ALDH6A1: variants seen among roughly 807,000 people sequenced by gnomAD.
ALDH6A1 encodes methylmalonate-semialdehyde/malonate-semialdehyde dehydrogenase [acylating], mitochondrial.
In ALDH6A1, 43 loss-of-function variants were observed where a neutral mutation model predicts 62.6. The observed-to-expected ratio is 0.69, with a 90% CI of 0.54 to 0.89. The LOEUF is 0.89. Ranked by LOEUF, ALDH6A1 falls within the 40% of genes least tolerant of loss-of-function variation. The pLI, the probability that ALDH6A1 is intolerant of heterozygous loss-of-function variation, is 0.00. For synonymous variants in ALDH6A1, 194 were observed against 234.2 expected, an observed-to-expected ratio of 0.83 and a Z score of 1.57; for missense variants, 551 against 661.3, an observed-to-expected ratio of 0.83 and a Z score of 1.83.
chr14:74,057,852 G>T lies in ALDH6A1; in HGVS notation c.*2790C>A. 9.7e-7 allele frequency: 1 copy of T among 1,031,144 alleles called. No homozygotes were observed. The highest frequency in any genetic ancestry group is 1.2e-6 in the Non-Finnish European group (1 of 857,126). The allele number at this position is 1,031,144 out of a possible 1,614,324, so 63.9% of individuals were successfully genotyped here. On this transcript the variant is annotated 3_prime_UTR_variant, in exon 12 of 12. Coordinates refer to ENST00000553458, the MANE Select transcript of ALDH6A1 (RefSeq NM_005589.4). ...AGAAACTCTGAGCAGCAAATAGTTGGCCAGATGAGTTGTTTCTAATTAGAG... is the reference window on the plus strand; with the variant it reads ...AGAAACTCTGAGCAGCAAATAGTTGTCCAGATGAGTTGTTTCTAATTAGAG...
rs977065088 is a variant in ALDH6A1 at position 74,060,145 on chromosome 14, A to G, written c.*497T>C. On this transcript the variant is annotated 3_prime_UTR_variant, in exon 12 of 12. Coordinates refer to ENST00000553458, the MANE Select transcript of ALDH6A1 (RefSeq NM_005589.4). Reference sequence around the variant, plus strand: ...CAATTATTGGAACATCTTCTTTAAAAAATTTTTTTTCCCTTTTCTTTTTTT... The same window carrying G: ...CAATTATTGGAACATCTTCTTTAAAGAATTTTTTTTCCCTTTTCTTTTTTT... 1 of 157,920 alleles carries G rather than the reference A, an allele frequency of 6.3e-6. No individual in the cohort carries two copies. Among genetic ancestry groups the G allele is most frequent in the Admixed American group, 6.0e-5 (1 of 16,562 alleles). The allele number at this position is 157,920 out of a possible 1,614,324, so 9.8% of individuals were successfully genotyped here.
At chr14:74,062,806 C>T (rs2060376412) in intron 11 of ALDH6A1, among the ~76,000 whole-genome samples, 1 of 147,978 alleles carries the variant, frequency 6.8e-6, no homozygotes, top group African/African-American at 2.4e-5. Context: ...ATAGCTGGCA[C>T]AGAAAAAAAA....
At position 74,057,950 on chromosome 14, in the gene ALDH6A1, T is replaced by G; in HGVS notation, c.*2692A>C. 7 of 932,834 alleles carry G rather than the reference T, an allele frequency of 7.5e-6. No individual in the cohort carries two copies. The highest frequency in any genetic ancestry group is 9.0e-6 in the Non-Finnish European group (7 of 779,032). The allele number at this position is 932,834 out of a possible 1,614,324, so 57.8% of individuals were successfully genotyped here. A position where few individuals can be genotyped will look rare whatever the true frequency, so the allele number is the denominator to read the frequency against. ...ATATAAGGAAAATGTTAGGAATCTC[T>G]GTGACTACATTTAATTCCACTTGGA... On this transcript the variant is annotated 3_prime_UTR_variant, in exon 12 of 12. Transcript: ENST00000553458.
At position 74,057,691 on chromosome 14, in the gene ALDH6A1, A is replaced by AT; in HGVS notation, c.*2950dup. On this transcript the variant is annotated 3_prime_UTR_variant, in exon 12 of 12. Coordinates refer to ENST00000553458, the MANE Select transcript of ALDH6A1 (RefSeq NM_005589.4). ...TCTCTTTAAGAGTTTTTAATTTATA[A>AT]TTTGTTATTCATAATTAGTACAATG... is the stretch of plus-strand genomic sequence containing the variant. The AT allele has an allele frequency of 7.9e-7, 1 of 1,272,374 alleles. No individual in the cohort carries two copies. Among genetic ancestry groups the AT allele is most frequent in the African/African-American group, 1.6e-5 (1 of 64,182 alleles). 78.8% of individuals were successfully genotyped at this position (1,272,374 alleles called of 1,614,324 possible). A position where few individuals can be genotyped will look rare whatever the true frequency, so the allele number is the denominator to read the frequency against.
At position 74,065,343 on chromosome 14, in the gene ALDH6A1, G is replaced by A; in HGVS notation, c.1242C>T (p.Tyr414=). 6.2e-6 allele frequency: 10 copies of A among 1,613,986 alleles called. No individual in the cohort carries two copies. Among genetic ancestry groups the A allele is most frequent in the Non-Finnish European group, 8.5e-6 (10 of 1,180,002 alleles). The stretch of plus-strand genomic sequence containing the variant: ...GAACTGGACCAAAAATCTCCTCTTT[G>A]TAACAGGTCATATTTGGCTGCCAGG... ...ISNVKPNMTC[Y]KEEIFGPVLV... is the part of the protein sequence containing the mutation. The change falls in exon 10 of 12, where the codon TAC becomes TAT. Residue 414 remains tyrosine, a synonymous_variant. Transcript: ENST00000553458.
In ALDH6A1 at chr14:74,058,035, A is replaced by G. The variant is rs918706640; in HGVS notation, c.*2607T>C. 7.7e-5 allele frequency: 41 copies of G among 533,854 alleles called. No individual in the cohort carries two copies. Among genetic ancestry groups the G allele is most frequent in the Non-Finnish European group, 9.8e-5 (41 of 416,696 alleles). The allele number at this position is 533,854 out of a possible 1,614,324, so 33.1% of individuals were successfully genotyped here. A position where few individuals can be genotyped will look rare whatever the true frequency, so the allele number is the denominator to read the frequency against. ...CTATAGTTGTTGGATTGGATTAAAT[A>G]TCACTACCAGGGCCAGGTGCGGTGG... is the stretch of plus-strand genomic sequence containing the variant. On this transcript the variant is annotated 3_prime_UTR_variant, in exon 12 of 12. Transcript: ENST00000553458.
intron 9 of ALDH6A1, 122 bp from the exon 10 acceptor site, chr14:74,065,482 C>G: frequency 1.1e-6 from 1 of 905,982 alleles, no homozygotes; most frequent in Non-Finnish European, 1.7e-6. Flanking sequence ...TTACTAATCT[C>G]TTTTCATTTC....
At position 74,071,969 on chromosome 14, in the gene ALDH6A1, T is replaced by A; in HGVS notation, c.354A>T (p.Glu118Asp). ...YQQLIKENLK[E>D]IAKLITLEQG... ...GTTCCAATGTGATTAACTTGGCAAT[T>A]TCTTTCTAGAGAGAAGACACACAAA... is the stretch of plus-strand genomic sequence containing the variant. The change falls in exon 5 of 12, where the codon GAA (glutamate) becomes GAT (aspartate). Residue 118 changes from glutamate to aspartate, a missense_variant. Transcript: ENST00000553458. 1 of 1,613,988 alleles carries A rather than the reference T, an allele frequency of 6.2e-7. No homozygotes were observed. The highest frequency in any genetic ancestry group is 1.1e-5 in the South Asian group (1 of 91,088).
Position 74,060,429 on chromosome 14 carries a change from T to G in ALDH6A1, c.*213A>C, listed in dbSNP as rs1047800279. 5.3e-6 allele frequency: 3 copies of G among 564,964 alleles called. No individual in the cohort carries two copies. Among genetic ancestry groups the G allele is most frequent in the Non-Finnish European group, 9.5e-6 (3 of 314,226 alleles). The allele number at this position is 564,964 out of a possible 1,614,324, so 35.0% of individuals were successfully genotyped here. ...CATAGTTACAACAGTTACCTCAAAA[T>G]AGAAGTATGAAGAGCAAGTGAGAAA... On this transcript the variant is annotated 3_prime_UTR_variant, in exon 12 of 12. Transcript: ENST00000553458.
At chr14:74,080,829 T>TA (rs1192892702) in intron 1 of ALDH6A1, among the ~76,000 whole-genome samples, 1 of 152,204 alleles carries the variant, frequency 6.6e-6, no homozygotes, top group African/African-American at 2.4e-5. Flanking sequence ...TTCCCTTGTT[T>TA]AAAATTCTTC....
intron 1 of ALDH6A1, among the ~76,000 whole-genome samples, chr14:74,082,068 TGG>T (rs888549854): frequency 6.6e-6 from 1 of 152,020 alleles, no homozygotes; most frequent in African/African-American, 2.4e-5. Context: ...TTAGCTGGCA[TGG>T]GGGCACGATC....
chr14:74,082,393 G>GTT (rs869211328), intron 1 of ALDH6A1, among the ~76,000 whole-genome samples: 2,003 of 77,566 alleles, frequency 0.026, 432 homozygotes, highest in African/African-American at 0.091. Flanking sequence ...CAAAATCGAG[G>GTT]TTTTTTTTTT....
chr14:74,069,400 C>A (rs916090260), intron 6 of ALDH6A1: 2 of 251,678 alleles, frequency 7.9e-6, no homozygotes, highest in Admixed American at 5.1e-5. Flanking sequence ...CTGCATCAGG[C>A]CTGTGTTTTT....
chr14:74,057,490 G>A lies in ALDH6A1; in HGVS notation c.*3152C>T, dbSNP rs35227177. 7.8e-6 allele frequency: 11 copies of A among 1,411,458 alleles called. No individual in the cohort carries two copies. The South Asian group carries it at 1.6e-4, about 21-fold the overall frequency. 87.4% of individuals were successfully genotyped at this position (1,411,458 alleles called of 1,614,324 possible). On this transcript the variant is annotated 3_prime_UTR_variant, in exon 12 of 12. Transcript: ENST00000553458. ...GCCTCTTTTTGTGTAGAAACCTATAGGTTGCCTTTTGAAGTAAACAGCCTA... is the reference window on the plus strand; with the variant it reads ...GCCTCTTTTTGTGTAGAAACCTATAAGTTGCCTTTTGAAGTAAACAGCCTA...
Position 74,058,448 on chromosome 14 carries a change from G to GAAAAAAAA in ALDH6A1, c.*2186_*2193dup, listed in dbSNP as rs138897281. ...CTATTGCCTCATATTTAGGAAAGCA[G>GAAAAAAAA]AAAAAAAAAAAAAAAAGGCCCAGTA... On this transcript the variant is annotated 3_prime_UTR_variant, in exon 12 of 12. Transcript: ENST00000553458. The GAAAAAAAA allele has an allele frequency of 3.6e-5, 4 of 110,022 alleles. No homozygotes were observed. Among genetic ancestry groups the GAAAAAAAA allele is most frequent in the Non-Finnish European group, 4.0e-5 (2 of 49,648 alleles). The allele number at this position is 110,022 out of a possible 1,614,324, so 6.8% of individuals were successfully genotyped here. A position where few individuals can be genotyped will look rare whatever the true frequency, so the allele number is the denominator to read the frequency against.
Position 74,059,321 on chromosome 14 carries a change from G to C in ALDH6A1, c.*1321C>G. On this transcript the variant is annotated 3_prime_UTR_variant, in exon 12 of 12. Transcript: ENST00000553458. ...TAGCAGGTTAGATTTGCTTAAGGCA[G>C]GTGTCTTACCCATTTTCATGGTTGG... 2.2e-6 allele frequency: 1 copy of C among 453,954 alleles called. No individual in the cohort carries two copies. Among genetic ancestry groups the C allele is most frequent in the Non-Finnish European group, 4.4e-6 (1 of 225,724 alleles). The allele number at this position is 453,954 out of a possible 1,614,324, so 28.1% of individuals were successfully genotyped here.
intron 1 of ALDH6A1, among the ~76,000 whole-genome samples, chr14:74,077,187 C>T (rs2060621830): frequency 6.6e-6 from 1 of 152,112 alleles, no homozygotes; most frequent in Non-Finnish European, 1.5e-5. Flanking sequence ...CAATATAGTA[C>T]TCGGTAGGTA....
rs544204880 is a variant in ALDH6A1 at position 74,057,558 on chromosome 14, A to C, written c.*3084T>G. The C allele has an allele frequency of 1.5e-6, 2 of 1,330,990 alleles. No homozygotes were observed. The highest frequency in any genetic ancestry group is 1.5e-5 in the African/African-American group (1 of 67,310). The allele number at this position is 1,330,990 out of a possible 1,614,324, so 82.4% of individuals were successfully genotyped here. ...CTTTTACGTAAGAGTAAACATAGTG[A>C]CCTTGTGACTCTTAGCTTTCCATCA... On this transcript the variant is annotated 3_prime_UTR_variant, in exon 12 of 12. Transcript: ENST00000553458.
rs2060286462 is a variant in ALDH6A1, at chr14:74,059,256, T to C, written c.*1386A>G. On this transcript the variant is annotated 3_prime_UTR_variant, in exon 12 of 12. Transcript: ENST00000553458. ...CATTAAACAAATCACTAATTAGAAATACAGGCAAGAGAAAAGAATATATAA... is the reference window on the plus strand; with the variant it reads ...CATTAAACAAATCACTAATTAGAAACACAGGCAAGAGAAAAGAATATATAA... 2 of 361,000 alleles carry C rather than the reference T, an allele frequency of 5.5e-6. No individual in the cohort carries two copies. The highest frequency in any genetic ancestry group is 1.6e-4 in the East Asian group (2 of 12,268). 22.4% of individuals were successfully genotyped at this position (361,000 alleles called of 1,614,324 possible).
Sources: gnomAD v4.1 joint callset for allele counts (sites outside exome capture counted in the v4.1 genomes callset) on GRCh38, gnomAD v4.1.1 for gene constraint, MANE v1.5 for transcripts, NCBI Gene and HGNC (gene_info 2026-07-23, HGNC 2026-07-21) for gene names.